The following PHF24 variants were observed in gnomAD, a reference collection of about 807,000 sequenced individuals.
PHF24 encodes PHD finger protein 24.
A neutral mutation model predicts 42.6 loss-of-function variants in PHF24; 25 were observed. That is an observed-to-expected ratio of 0.59 (90% CI 0.43 to 0.82). PHF24 has a LOEUF of 0.82. PHF24 is among the 40% of genes least tolerant of loss of function. The pLI is 0.00. For missense variants in PHF24, 470 were observed against 538.1 expected (o/e 0.87, Z 1.25); for synonymous variants, 185 against 204.8 (o/e 0.90, Z 0.83).
chr9:34,918,025 A>G, the PHF24 span: 23 of 1,258,130 alleles, frequency 1.8e-5, no homozygotes, highest in Non-Finnish European at 2.5e-5. Flanking sequence ...CACCAGTACC[A>G]CATCTGTGCC....
the PHF24 span, among the ~76,000 whole-genome samples, chr9:34,751,074 G>A: frequency 1.3e-5 from 2 of 152,106 alleles, no homozygotes; most frequent in African/African-American, 2.4e-5. Context: ...CCAAAAAAGA[G>A]CAGGAGTTGG....
chr9:34,882,007 A>T, the PHF24 span, among the ~76,000 whole-genome samples: 1 of 152,230 alleles, frequency 6.6e-6, no homozygotes, highest in Non-Finnish European at 1.5e-5. Flanking sequence ...CAAAAAGCTT[A>T]TCCACCACAA....
At chr9:34,804,810 A>G in the PHF24 span, among the ~76,000 whole-genome samples, 1 of 152,340 alleles carries the variant, frequency 6.6e-6, no homozygotes, top group East Asian at 1.9e-4. Flanking sequence ...AACCATCATT[A>G]CAGTTTTAGA....
chr9:34,771,317 T>A, the PHF24 span, among the ~76,000 whole-genome samples: 1 of 152,212 alleles, frequency 6.6e-6, no homozygotes, highest in East Asian at 1.9e-4. Flanking sequence ...GCTATAAATC[T>A]ATACAGCATG....
chr9:34,797,268 G>A, the PHF24 span, among the ~76,000 whole-genome samples: 1 of 152,200 alleles, frequency 6.6e-6, no homozygotes, highest in African/African-American at 2.4e-5. Flanking sequence ...ATGTATTACA[G>A]AGTGCTCTTT....
At chr9:34,680,410 C>T in the PHF24 span, among the ~76,000 whole-genome samples, 5 of 150,202 alleles carry the variant, frequency 3.3e-5, no homozygotes, top group African/African-American at 9.8e-5. Context: ...ATAAGAAGGC[C>T]GGGCGCGGTG....
chr9:34,854,045 A>C, the PHF24 span, among the ~76,000 whole-genome samples: 6 of 152,050 alleles, frequency 3.9e-5, no homozygotes, highest in East Asian at 1.9e-4. Context: ...TTTCTTCTAG[A>C]TCTTCTAGTT....
the PHF24 span, among the ~76,000 whole-genome samples, chr9:34,901,336 G>A: frequency 4.6e-5 from 7 of 152,172 alleles, no homozygotes; most frequent in Admixed American, 1.3e-4. Context: ...GAATGCAAAA[G>A]TTCTTAACAT....
the PHF24 span, chr9:34,690,257 G>C: frequency 6.2e-7 from 1 of 1,614,174 alleles, no homozygotes. Context: ...GGTAGTGGAA[G>C]TTCCTCACGA....
the PHF24 span, among the ~76,000 whole-genome samples, chr9:34,861,833 T>G: frequency 1.4e-4 from 21 of 152,336 alleles, 2 homozygotes; most frequent in South Asian, 4.1e-3. Flanking sequence ...CAGAGTATCT[T>G]CCCATAGGTT....
the PHF24 span, among the ~76,000 whole-genome samples, chr9:34,820,763 G>A: frequency 6.6e-6 from 1 of 152,188 alleles, no homozygotes; most frequent in Non-Finnish European, 1.5e-5. Flanking sequence ...TAACGGGATT[G>A]CTGGGTTGAA....
At chr9:34,942,030 A>T in the PHF24 span, among the ~76,000 whole-genome samples, 8 of 152,212 alleles carry the variant, frequency 5.3e-5, no homozygotes, top group Non-Finnish European at 8.8e-5. Context: ...TAGCTTAAAC[A>T]TTCAGAAGCA....
the PHF24 span, among the ~76,000 whole-genome samples, chr9:34,897,691 C>T: frequency 6.6e-6 from 1 of 151,846 alleles, no homozygotes; most frequent in African/African-American, 2.4e-5. Flanking sequence ...TTTTTATTTC[C>T]ATAGGTTATT....
chr9:34,727,145 C>T, the PHF24 span, among the ~76,000 whole-genome samples: 1 of 152,188 alleles, frequency 6.6e-6, no homozygotes, highest in Admixed American at 6.5e-5. Context: ...TAAGAAAATG[C>T]CATTTGGCAA....
chr9:34,724,448 T>C, the PHF24 span: 161 of 1,551,422 alleles, frequency 1.0e-4, no homozygotes, highest in Non-Finnish European at 1.3e-4. Context: ...GTTTAGACTT[T>C]CAAGAGACTT....
the PHF24 span, among the ~76,000 whole-genome samples, chr9:34,828,169 C>T: frequency 6.6e-6 from 1 of 152,028 alleles, no homozygotes; most frequent in African/African-American, 2.4e-5. Flanking sequence ...ACTTGTCCCT[C>T]TGGGTCTCTG....
chr9:34,886,804 ATGT>A, the PHF24 span, among the ~76,000 whole-genome samples: 1 of 146,786 alleles, frequency 6.8e-6, no homozygotes, highest in African/African-American at 2.7e-5. Flanking sequence ...TACTCTATCT[ATGT>A]ATCTATCTAT....
At chr9:34,892,945 C>T in the PHF24 span, 1 of 687,874 alleles carries the variant, frequency 1.5e-6, no homozygotes, top group East Asian at 2.7e-5. Flanking sequence ...AGCCCAGATC[C>T]TGACTATGCT....
At chr9:34,737,072 T>C in the PHF24 span, among the ~76,000 whole-genome samples, 1 of 152,250 alleles carries the variant, frequency 6.6e-6, no homozygotes, top group African/African-American at 2.4e-5. Flanking sequence ...ACCATTGAAC[T>C]ATTTTAAAGT....
Sources: gnomAD v4.1 joint callset for allele counts (sites outside exome capture counted in the v4.1 genomes callset) on GRCh38, gnomAD v4.1.1 for gene constraint, MANE v1.5 for transcripts, NCBI Gene and HGNC (gene_info 2026-07-23, HGNC 2026-07-21) for gene names.